The following NKAIN3 variants were observed in gnomAD, a reference collection of about 807,000 sequenced individuals.
The protein encoded by NKAIN3 is sodium/potassium transporting ATPase interacting 3, also known as sodium/potassium-transporting ATPase subunit beta-1-interacting protein 3.
A neutral mutation model predicts 30.2 loss-of-function variants in NKAIN3; 25 were observed. The ratio of observed to expected loss-of-function variants is 0.83; its 90% CI spans 0.60 to 1.16. NKAIN3 has a LOEUF of 1.16. NKAIN3 is among the 50% of genes most tolerant of loss of function. The pLI, the probability that NKAIN3 is intolerant of heterozygous loss-of-function variation, is 0.00. For synonymous variants in NKAIN3, 91 were observed against 89.6 expected, an observed-to-expected ratio of 1.02 and a Z score of -0.09; for missense variants, 225 against 254.1, an observed-to-expected ratio of 0.89 and a Z score of 0.78.
At chr8:62,882,789 G>T (rs1821025988) in intron 4 of NKAIN3, among the ~76,000 whole-genome samples, 1 of 151,990 alleles carries the variant, frequency 6.6e-6, no homozygotes, top group Non-Finnish European at 1.5e-5. Flanking sequence ...ATTTTTCCAG[G>T]ATCATTTGTT....
intron 1 of NKAIN3, among the ~76,000 whole-genome samples, chr8:62,400,163 CTTTTTTTTT>C (rs71255333): frequency 2.0e-4 from 24 of 122,260 alleles, no homozygotes; most frequent in African/African-American, 7.0e-4. Flanking sequence ...GCTATATTTT[CTTTTTTTTT>C]TTTTTTTTTT....
chr8:62,923,936 C>T lies in NKAIN3; in HGVS notation c.532+5423C>T, dbSNP rs144874953. Among the ~76,000 whole-genome samples the T allele has an allele frequency of 2.1e-3, 313 of 152,282 alleles. 2 individuals carry two copies. The highest frequency in any genetic ancestry group is 6.6e-3 in the African/African-American group (275 of 41,558). Reference sequence around the variant, plus strand: ...CATTCAAATGCCCAAACCAGCAAACCAACTGGAGATTCCCTACAGGGGAAA... The same window carrying T: ...CATTCAAATGCCCAAACCAGCAAACTAACTGGAGATTCCCTACAGGGGAAA... On this transcript the variant is annotated intron_variant, in intron 5 of 6. Transcript: ENST00000623646.
intron 1 of NKAIN3, among the ~76,000 whole-genome samples, chr8:62,301,376 C>G (rs994244592): frequency 6.6e-6 from 1 of 152,024 alleles, no homozygotes; most frequent in Non-Finnish European, 1.5e-5. Context: ...GAGGCTCTAG[C>G]ACTGCCTCAT....
chr8:62,990,287 T>C, intron 5 of NKAIN3: 1 of 1,465,198 alleles, frequency 6.8e-7, no homozygotes, highest in East Asian at 2.6e-5. Flanking sequence ...CTCATGTGCT[T>C]CCTAAGAACT....
chr8:62,873,085 T>C (rs1255010956), intron 4 of NKAIN3, among the ~76,000 whole-genome samples: 1 of 152,100 alleles, frequency 6.6e-6, no homozygotes, highest in Non-Finnish European at 1.5e-5. Context: ...GTGTATTGTA[T>C]TCAAGAGACC....
At chr8:62,625,383 T>C (rs758442651) in intron 3 of NKAIN3, among the ~76,000 whole-genome samples, 3 of 152,134 alleles carry the variant, frequency 2.0e-5, no homozygotes, top group Non-Finnish European at 4.4e-5. Context: ...TGAAGTCATA[T>C]GGCTAATTAA....
rs965495578 is a variant in NKAIN3 at position 62,968,734 on chromosome 8, C to A, written c.*3327C>A. ...AACCTTGGCCAGCCCTTCCTCAGGC[C>A]GTGCCTTCTATCTTGTGTGAATGAT... On this transcript the variant is annotated 3_prime_UTR_variant, in exon 7 of 7. Coordinates refer to ENST00000623646, the MANE Select transcript of NKAIN3 (RefSeq NM_001304533.3). Among the ~76,000 whole-genome samples, 33 of 152,134 alleles carry A rather than the reference C, an allele frequency of 2.2e-4. No homozygotes were observed. Among genetic ancestry groups the A allele is most frequent in the Admixed American group, 9.2e-4 (14 of 15,260 alleles).
At chr8:62,319,389 G>C (rs532752714) in intron 1 of NKAIN3, among the ~76,000 whole-genome samples, 4 of 152,124 alleles carry the variant, frequency 2.6e-5, no homozygotes, top group Middle Eastern at 3.4e-3. Context: ...GAATGTGTTT[G>C]CTCTTGTTTC....
Position 62,966,032 on chromosome 8 carries a change from T to C in NKAIN3, c.*625T>C. 1.0e-6 allele frequency: 1 copy of C among 983,332 alleles called. No individual in the cohort carries two copies. Among genetic ancestry groups the C allele is most frequent in the Non-Finnish European group, 1.2e-6 (1 of 828,252 alleles). The allele number at this position is 983,332 out of a possible 1,614,324, so 60.9% of individuals were successfully genotyped here. A position where few individuals can be genotyped will look rare whatever the true frequency, so the allele number is the denominator to read the frequency against. ...TTCAGATTCGTGCATATCTTGTTTT[T>C]CCTGATATATATATATATGTAGGCA... On this transcript the variant is annotated 3_prime_UTR_variant, in exon 7 of 7. Transcript: ENST00000623646.
intron 5 of NKAIN3, chr8:62,990,394 C>T: frequency 8.2e-7 from 1 of 1,218,468 alleles, no homozygotes; most frequent in Non-Finnish European, 1.0e-6. Flanking sequence ...TTATGAAAAG[C>T]ATAGGTTTTT....
chr8:62,463,271 ATCTT>A lies in NKAIN3; in HGVS notation c.55-116267_55-116264del, dbSNP rs150773267. Among the ~76,000 whole-genome samples, 554 of 152,348 alleles carry A rather than the reference ATCTT, an allele frequency of 3.6e-3. 1 individual carries two copies. Among genetic ancestry groups the A allele is most frequent in the Non-Finnish European group, 6.1e-3 (412 of 68,026 alleles). ...AGAGACTATAGTAAATTTTGAATCT[ATCTT>A]AGGCACAGTGGAATGCTTATTAGCA... is the stretch of plus-strand genomic sequence containing the variant. On this transcript the variant is annotated intron_variant, in intron 1 of 6. Transcript: ENST00000623646.
rs1812896053 is a variant in NKAIN3, at chr8:62,275,050, A to C, written c.54+25923A>C. Among the ~76,000 whole-genome samples the C allele has an allele frequency of 2.0e-5, 3 of 152,170 alleles. No individual in the cohort carries two copies. The South Asian group carries it at 6.2e-4, about 32-fold the overall frequency. Reference sequence around the variant, plus strand: ...TTGCTATTGTGAATAGTGCCGCAATAAACATACGTGTGCATGTGTTTTTAT... The same window carrying C: ...TTGCTATTGTGAATAGTGCCGCAATCAACATACGTGTGCATGTGTTTTTAT... On this transcript the variant is annotated intron_variant, in intron 1 of 6. Coordinates refer to ENST00000623646, the MANE Select transcript of NKAIN3 (RefSeq NM_001304533.3).
chr8:62,773,434 G>C (rs1817086989), intron 4 of NKAIN3, among the ~76,000 whole-genome samples: 1 of 152,066 alleles, frequency 6.6e-6, no homozygotes, highest in South Asian at 2.1e-4. Context: ...TTTTATGCCA[G>C]TACCATGTTG....
intron 3 of NKAIN3, among the ~76,000 whole-genome samples, chr8:62,693,006 A>G (rs1328254451): frequency 1.3e-5 from 2 of 152,286 alleles, no homozygotes; most frequent in East Asian, 3.9e-4. Context: ...TATCCATTCA[A>G]ATACACAAGT....
chr8:62,794,380 C>G (rs1449657656), intron 4 of NKAIN3, among the ~76,000 whole-genome samples: 1 of 152,080 alleles, frequency 6.6e-6, no homozygotes, highest in Admixed American at 6.6e-5. Context: ...TCAACAGTCA[C>G]TAATGAATGC....
chr8:62,855,925 C>T (rs898083639), intron 4 of NKAIN3: 18 of 748,468 alleles, frequency 2.4e-5, no homozygotes, highest in East Asian at 1.2e-4. Context: ...CTGCGTGATG[C>T]TACAACCTCC....
At chr8:62,872,796 C>A (rs755825208) in intron 4 of NKAIN3, among the ~76,000 whole-genome samples, 1 of 152,088 alleles carries the variant, frequency 6.6e-6, no homozygotes, top group Non-Finnish European at 1.5e-5. Flanking sequence ...AAATAAAATC[C>A]TTTACAGACA....
intron 4 of NKAIN3, among the ~76,000 whole-genome samples, chr8:62,871,402 CA>C (rs35286231): frequency 0.011 from 372 of 34,212 alleles, 3 homozygotes; most frequent in South Asian, 0.087. Flanking sequence ...GACTCTGTCT[CA>C]AAAAAAAAAA....
rs944020550 is a variant in NKAIN3 at position 62,359,780 on chromosome 8, T to C, written c.54+110653T>C. Among the ~76,000 whole-genome samples the C allele has an allele frequency of 7.9e-5, 12 of 152,328 alleles. No individual in the cohort carries two copies. The East Asian group carries it at 1.2e-3, about 15-fold the overall frequency. On this transcript the variant is annotated intron_variant, in intron 1 of 6. Transcript: ENST00000623646. The stretch of plus-strand genomic sequence containing the variant: ...TAGGGCTACACAGACAGCACACTAA[T>C]TGATGATGCCACTGCCTTGTATTGT...
Sources: gnomAD v4.1 joint callset for allele counts (sites outside exome capture counted in the v4.1 genomes callset) on GRCh38, gnomAD v4.1.1 for gene constraint, MANE v1.5 for transcripts, NCBI Gene and HGNC (gene_info 2026-07-23, HGNC 2026-07-21) for gene names.